Variants in EXOC4 observed in about 807,000 individuals in gnomAD.
EXOC4 encodes SEC8-like 1.
In EXOC4, 71 loss-of-function variants were observed where a neutral mutation model predicts 107.2. That is an observed-to-expected ratio of 0.66 (90% CI 0.55 to 0.81). The LOEUF (loss-of-function observed/expected upper bound fraction) is 0.81. Among genes scored for constraint, EXOC4 ranks in the 30% least tolerant of loss-of-function variants. The pLI is 0.00. For missense variants in EXOC4, 1,108 were observed against 1,189.6 expected (o/e 0.93, Z 1.01); for synonymous variants, 456 against 441.2 (o/e 1.03, Z -0.42).
intron 7 of EXOC4, among the ~76,000 whole-genome samples, chr7:133,417,123 G>T (rs1333165556): frequency 6.6e-6 from 1 of 152,178 alleles, no homozygotes; most frequent in Non-Finnish European, 1.5e-5. Context: ...GAAGGGATTT[G>T]CAGGGCTGCA....
chr7:134,073,204 T>TAAAAAA, the EXOC4 span, among the ~76,000 whole-genome samples: 1 of 3,596 alleles, frequency 2.8e-4, no homozygotes, highest in Non-Finnish European at 3.6e-4. Flanking sequence ...AGACTTCCTC[T>TAAAAAA]CAAAAAAAAA....
chr7:134,093,518 A>G, the EXOC4 span, among the ~76,000 whole-genome samples: 3 of 152,200 alleles, frequency 2.0e-5, no homozygotes, highest in Admixed American at 1.3e-4. Flanking sequence ...CAGGTCATCG[A>G]GGAAGAAAAC....
At chr7:133,455,636 C>T (rs1175177606) in intron 7 of EXOC4, among the ~76,000 whole-genome samples, 5 of 152,108 alleles carry the variant, frequency 3.3e-5, no homozygotes, top group African/African-American at 9.7e-5. Context: ...TCTGAAAATT[C>T]AAGTGGTAGG....
chr7:133,722,903 A>T (rs1795134028), intron 10 of EXOC4, among the ~76,000 whole-genome samples: 1 of 152,186 alleles, frequency 6.6e-6, no homozygotes, highest in Non-Finnish European at 1.5e-5. Flanking sequence ...TGTCAGTCTG[A>T]ATTCTACTTG....
chr7:134,000,473 C>T (rs897258667), intron 15 of EXOC4, among the ~76,000 whole-genome samples: 3 of 152,020 alleles, frequency 2.0e-5, no homozygotes, highest in Non-Finnish European at 4.4e-5. Context: ...ATATAAGGTG[C>T]TCAGTAAAAA....
At chr7:133,361,855 A>T (rs971820767) in intron 6 of EXOC4, among the ~76,000 whole-genome samples, 1 of 152,248 alleles carries the variant, frequency 6.6e-6, no homozygotes, top group South Asian at 2.1e-4. Context: ...CCATGAAATG[A>T]TACTGAAGCA....
chr7:133,481,620 A>G (rs1452676081), intron 9 of EXOC4, among the ~76,000 whole-genome samples: 1 of 152,196 alleles, frequency 6.6e-6, no homozygotes, highest in African/African-American at 2.4e-5. Context: ...TATTTATATC[A>G]CAGTAATAGT....
intron 13 of EXOC4, among the ~76,000 whole-genome samples, chr7:133,928,300 A>G (rs995651555): frequency 6.6e-6 from 1 of 152,094 alleles, no homozygotes; most frequent in East Asian, 1.9e-4. Flanking sequence ...AAGCCTGGGT[A>G]GGTTGCAGGC....
At chr7:133,968,551 T>C (rs1043759639) in intron 14 of EXOC4, among the ~76,000 whole-genome samples, 2 of 152,236 alleles carry the variant, frequency 1.3e-5, no homozygotes, top group Non-Finnish European at 2.9e-5. Flanking sequence ...ACAAAATCTC[T>C]CAACATTTGC....
At chr7:133,939,083 T>G (rs562388509) in intron 14 of EXOC4, among the ~76,000 whole-genome samples, 1 of 152,000 alleles carries the variant, frequency 6.6e-6, no homozygotes, top group Non-Finnish European at 1.5e-5. Flanking sequence ...AATGGAGAGA[T>G]AGAAACAGGA....
At chr7:133,404,225 G>A (rs371196447) in intron 7 of EXOC4, among the ~76,000 whole-genome samples, 1 of 151,742 alleles carries the variant, frequency 6.6e-6, no homozygotes, top group African/African-American at 2.4e-5. Flanking sequence ...TCAGCCTCCC[G>A]AGTAGCTGGG....
chr7:133,854,352 G>A lies in EXOC4; in HGVS notation c.1734+36808G>A, dbSNP rs545539914. Among the ~76,000 whole-genome samples, 6 of 151,006 alleles carry A rather than the reference G, an allele frequency of 4.0e-5. No individual in the cohort carries two copies. In the East Asian group the frequency reaches 7.9e-4, roughly 20 times the overall value. On this transcript the variant is annotated intron_variant, in intron 11 of 17. Coordinates refer to ENST00000253861, the MANE Select transcript of EXOC4 (RefSeq NM_021807.4). ...GCTTGCCACCTCTTATTGGTCCTCC[G>A]ATTCCTAGGGAATTTTCTTTAGCAT...
intron 9 of EXOC4, among the ~76,000 whole-genome samples, chr7:133,521,497 C>G (rs1343532200): frequency 6.6e-6 from 1 of 152,094 alleles, no homozygotes; most frequent in Non-Finnish European, 1.5e-5. Context: ...AATTTGTATT[C>G]TCCCCCAATG....
chr7:133,861,387 A>G (rs1294341067), intron 11 of EXOC4, among the ~76,000 whole-genome samples: 1 of 152,178 alleles, frequency 6.6e-6, no homozygotes, highest in East Asian at 1.9e-4. Context: ...ACAAACCTGC[A>G]CATGTGCCCC....
chr7:133,773,225 C>A (rs759856455), intron 10 of EXOC4, among the ~76,000 whole-genome samples: 1 of 151,904 alleles, frequency 6.6e-6, no homozygotes, highest in African/African-American at 2.4e-5. Flanking sequence ...CCCACTCAAG[C>A]CATGTGCTGA....
intron 11 of EXOC4, among the ~76,000 whole-genome samples, chr7:133,856,075 G>T (rs956262711): frequency 1.3e-5 from 2 of 152,136 alleles, no homozygotes; most frequent in Non-Finnish European, 2.9e-5. Context: ...CTTATTAATT[G>T]TAAGAAACTG....
the EXOC4 span, among the ~76,000 whole-genome samples, chr7:134,083,502 A>G: frequency 1.5e-4 from 23 of 152,156 alleles, no homozygotes; most frequent in African/African-American, 5.3e-4. Flanking sequence ...TCTGTTCCAT[A>G]TGGCACCAAC....
intron 9 of EXOC4, among the ~76,000 whole-genome samples, chr7:133,553,819 A>G (rs1379486210): frequency 6.6e-6 from 1 of 152,162 alleles, no homozygotes; most frequent in African/African-American, 2.4e-5. Context: ...TGGAGAATTT[A>G]AAATTGTGGT....
intron 7 of EXOC4, among the ~76,000 whole-genome samples, chr7:133,449,333 G>C (rs902111999): frequency 2.6e-5 from 4 of 152,142 alleles, no homozygotes; most frequent in African/African-American, 9.7e-5. Flanking sequence ...AAGATCTGCA[G>C]CTTCTAGAAC....
Sources: gnomAD v4.1 joint callset for allele counts (sites outside exome capture counted in the v4.1 genomes callset) on GRCh38, gnomAD v4.1.1 for gene constraint, MANE v1.5 for transcripts, NCBI Gene and HGNC (gene_info 2026-07-23, HGNC 2026-07-21) for gene names.